NAV2: variants seen among roughly 807,000 people sequenced by gnomAD.
NAV2 encodes helicase, APC down-regulated 1.
NAV2 carries 54 observed loss-of-function variants against 223.2 expected under a neutral mutation model. The observed-to-expected ratio is 0.24, with a 90% CI of 0.19 to 0.30. The LOEUF is 0.30. Among genes scored for constraint, NAV2 ranks in the 10% least tolerant of loss-of-function variants. NAV2 has a pLI of 1.00. For synonymous variants in NAV2, 1,279 were observed against 1,239.3 expected (o/e 1.03, Z -0.67); for missense variants, 2,806 against 3,147.5 (o/e 0.89, Z 2.60).
chr11:20,080,397 G>C (rs989197828), intron 25 of NAV2, among the ~76,000 whole-genome samples, 188 bp downstream of exon 25: 2 of 152,170 alleles, frequency 1.3e-5, no homozygotes, highest in African/African-American at 4.8e-5. Context: ...CAAAACACTA[G>C]AATCTGTAAC....
chr11:19,363,703 C>T (rs4492799), intron 1 of NAV2, among the ~76,000 whole-genome samples: 106,293 of 152,094 alleles, frequency 0.7, 37,395 homozygotes, highest in South Asian at 0.84. Flanking sequence ...CCCACAAGAC[C>T]GCCCCAATTT....
intron 1 of NAV2, among the ~76,000 whole-genome samples, chr11:19,463,397 C>T (rs1852234288): frequency 6.6e-6 from 1 of 152,214 alleles, no homozygotes; most frequent in African/African-American, 2.4e-5. Flanking sequence ...CTGTGTCAGA[C>T]ATGGTTAATC....
chr11:19,443,349 C>T (rs994664853), intron 1 of NAV2, among the ~76,000 whole-genome samples: 1 of 152,118 alleles, frequency 6.6e-6, no homozygotes, highest in Non-Finnish European at 1.5e-5. Context: ...GAGAAGTATA[C>T]AGTCAGCTCT....
intron 5 of NAV2, 38 bp from the exon 6 acceptor site, chr11:19,892,396 G>A (rs779042839): frequency 6.3e-7 from 1 of 1,597,398 alleles, no homozygotes; most frequent in Non-Finnish European, 8.5e-7. Context: ...TTATTCTTCT[G>A]AGACTGAATG....
chr11:19,842,774 T>TG, intron 2 of NAV2, 97 bp from the exon 3 acceptor site: 1 of 1,055,574 alleles, frequency 9.5e-7, no homozygotes, highest in Non-Finnish European at 1.5e-6. Context: ...AACCCTGGTA[T>TG]GGGCCTTAGG....
At chr11:19,472,232 C>T (rs1565041) in intron 1 of NAV2, among the ~76,000 whole-genome samples, 129,332 of 152,048 alleles carry the variant, frequency 0.85, 55,282 homozygotes, top group South Asian at 0.93. Context: ...AGAGGTCCTA[C>T]GGTATAGAGG....
At chr11:19,588,861 G>A (rs1181453961) in intron 1 of NAV2, among the ~76,000 whole-genome samples, 2 of 152,298 alleles carry the variant, frequency 1.3e-5, no homozygotes, top group African/African-American at 2.4e-5. Context: ...AGGTTAGAGG[G>A]GGAAAAAGAA....
chr11:19,567,275 G>A (rs2045296659), intron 1 of NAV2, among the ~76,000 whole-genome samples: 1 of 152,220 alleles, frequency 6.6e-6, no homozygotes, highest in Non-Finnish European at 1.5e-5. Context: ...CACACTGGGT[G>A]AGGATTGGAG....
intron 19 of NAV2, among the ~76,000 whole-genome samples, chr11:20,061,540 G>A (rs2028571): frequency 0.36 from 53,508 of 149,148 alleles, 10,730 homozygotes; most frequent in East Asian, 0.79. Context: ...TTGCGCTCCA[G>A]CCTGGGCAAC....
At chr11:19,600,418 A>G (rs535515253) in intron 1 of NAV2, among the ~76,000 whole-genome samples, 2 of 152,354 alleles carry the variant, frequency 1.3e-5, no homozygotes, top group African/African-American at 2.4e-5. Context: ...CTGCTCTAAC[A>G]TTGTGTGCAC....
At chr11:19,539,049 G>A (rs1253033263) in intron 1 of NAV2, among the ~76,000 whole-genome samples, 1 of 152,178 alleles carries the variant, frequency 6.6e-6, no homozygotes, top group Admixed American at 6.5e-5. Flanking sequence ...TGTAATGCAA[G>A]AGCCCTCTGT....
chr11:19,448,431 G>A (rs989484589), intron 1 of NAV2, among the ~76,000 whole-genome samples: 6 of 152,308 alleles, frequency 3.9e-5, no homozygotes, highest in East Asian at 1.9e-4. Flanking sequence ...CTCTCATTGC[G>A]TGGATTGGAA....
chr11:19,998,931 T>C lies in NAV2; in HGVS notation c.2768+14684T>C, dbSNP rs985503263. Among the ~76,000 whole-genome samples the C allele has an allele frequency of 2.6e-5, 4 of 152,236 alleles. No individual in the cohort carries two copies. The highest frequency in any genetic ancestry group is 9.6e-5 in the African/African-American group (4 of 41,466). On this transcript the variant is annotated intron_variant, in intron 11 of 37. Transcript: ENST00000349880. This position sits in a 1 kb window ranked among gnomAD's most constrained non-coding sequence, Gnocchi z 5.0. Reference sequence around the variant, plus strand: ...TTTCCCACTAGACTATCAGTATCAATAAGACAGAAACCAGGTCAGCTCCGT... The same window carrying C: ...TTTCCCACTAGACTATCAGTATCAACAAGACAGAAACCAGGTCAGCTCCGT...
chr11:20,000,806 T>TTCC (rs1290142334), intron 11 of NAV2, among the ~76,000 whole-genome samples: 3 of 152,148 alleles, frequency 2.0e-5, no homozygotes, highest in Non-Finnish European at 4.4e-5. Context: ...GGACGAACGC[T>TTCC]TCCTCTCCCT....
At chr11:20,008,377 T>C (rs986963961) in intron 11 of NAV2, among the ~76,000 whole-genome samples, 1 of 152,018 alleles carries the variant, frequency 6.6e-6, no homozygotes, top group South Asian at 2.1e-4. Context: ...TTTAAATCAG[T>C]GTATGTGTAT....
At chr11:19,528,499 C>T (rs1477632270) in intron 1 of NAV2, among the ~76,000 whole-genome samples, 1 of 152,180 alleles carries the variant, frequency 6.6e-6, no homozygotes, top group East Asian at 1.9e-4. Context: ...CACCTCACTG[C>T]CAAAACAGGG....
chr11:19,975,826 C>T (rs934298650), intron 10 of NAV2, among the ~76,000 whole-genome samples: 2 of 152,216 alleles, frequency 1.3e-5, no homozygotes, highest in African/African-American at 4.8e-5. Flanking sequence ...AAAGTCACTG[C>T]TAAGGTGGGG....
intron 16 of NAV2, among the ~76,000 whole-genome samples, chr11:20,050,360 T>A (rs2057861159): frequency 6.6e-6 from 1 of 152,168 alleles, no homozygotes; most frequent in Non-Finnish European, 1.5e-5. Flanking sequence ...TGCTGAAGTT[T>A]GGCTCATTAT....
At chr11:19,670,969 C>T (rs1255155729) in intron 1 of NAV2, among the ~76,000 whole-genome samples, 1 of 152,204 alleles carries the variant, frequency 6.6e-6, no homozygotes, top group African/African-American at 2.4e-5. Context: ...CAGCCCCTCT[C>T]CTCAAAGCCC....
Sources: allele counts gnomAD v4.1 joint callset (sites outside exome capture counted in the v4.1 genomes callset), GRCh38; gene constraint gnomAD v4.1.1; non-coding constraint Gnocchi (gnomAD v3.1); transcripts MANE v1.5; gene names NCBI Gene and HGNC (gene_info 2026-07-23, HGNC 2026-07-21).